CALD1: variants seen among roughly 807,000 people sequenced by gnomAD.
The protein encoded by CALD1 is caldesmon.
Under a neutral mutation model 99.9 loss-of-function variants are expected in CALD1, and 33 were observed. The ratio of observed to expected loss-of-function variants is 0.33; its 90% CI spans 0.25 to 0.44. The LOEUF (loss-of-function observed/expected upper bound fraction) is 0.44. Ranked by LOEUF, CALD1 falls within the 20% of genes least tolerant of loss-of-function variation. CALD1 has a pLI of 1.00. For missense variants in CALD1, 861 were observed against 962.1 expected, an observed-to-expected ratio of 0.89 and a Z score of 1.39; for synonymous variants, 310 against 325.0, an observed-to-expected ratio of 0.95 and a Z score of 0.50.
chr7:134,744,771 T>TAA (rs1796620808), intron 1 of CALD1, among the ~76,000 whole-genome samples: 1 of 152,130 alleles, frequency 6.6e-6, no homozygotes, highest in East Asian at 1.9e-4. Flanking sequence ...TTTCTGCTCT[T>TAA]CCTTGAAGAG....
intron 6 of CALD1, among the ~76,000 whole-genome samples, chr7:134,938,092 A>T (rs1806136216): frequency 1.3e-5 from 2 of 152,146 alleles, no homozygotes; most frequent in South Asian, 4.1e-4. Flanking sequence ...GCAGAATCTG[A>T]TTCCATGAGG....
At chr7:134,916,103 T>C (rs1804185356) in intron 3 of CALD1, among the ~76,000 whole-genome samples, 1 of 152,238 alleles carries the variant, frequency 6.6e-6, no homozygotes. Flanking sequence ...GTCTTTTTAC[T>C]TTCTGCCACT....
At chr7:134,819,998 AT>A (rs1318676439) in intron 1 of CALD1, among the ~76,000 whole-genome samples, 1 of 152,246 alleles carries the variant, frequency 6.6e-6, no homozygotes, top group African/African-American at 2.4e-5. Context: ...GGAAACTGAA[AT>A]AATGGATCTA....
chr7:134,884,019 T>A (rs767232149), intron 3 of CALD1, among the ~76,000 whole-genome samples: 1 of 152,070 alleles, frequency 6.6e-6, no homozygotes, highest in Non-Finnish European at 1.5e-5. Flanking sequence ...GGAGAATTGC[T>A]TGAACCTAGG....
intron 1 of CALD1, chr7:134,745,357 G>A (rs1993204): frequency 6.6e-6 from 1 of 151,764 alleles, no homozygotes; most frequent in Non-Finnish European, 1.5e-5. Flanking sequence ...TTGGAACAGA[G>A]GAAACTTTGC....
intron 3 of CALD1, among the ~76,000 whole-genome samples, chr7:134,868,675 T>C (rs1159739198): frequency 2.6e-5 from 4 of 152,236 alleles, no homozygotes; most frequent in Non-Finnish European, 5.9e-5. Context: ...GTTCTTATGT[T>C]CTACTTATTT....
chr7:134,954,337 C>A (rs1310218383), intron 9 of CALD1, among the ~76,000 whole-genome samples: 2 of 152,078 alleles, frequency 1.3e-5, no homozygotes, highest in Non-Finnish European at 2.9e-5. Context: ...ACGAGAGCAC[C>A]AATTTTCTAA....
At position 134,901,371 on chromosome 7, in the gene CALD1, T is replaced by C. The variant is rs149619271; in HGVS notation, c.72-27383T>C. On this transcript the variant is annotated intron_variant, in intron 3 of 14. Coordinates refer to ENST00000361675, the MANE Select transcript of CALD1 (RefSeq NM_033138.4). ...GCTGATTGATCTACAAAAAGAGGAATATACATGTAAAGTGGCTAGCACAGT... is the reference window on the plus strand; with the variant it reads ...GCTGATTGATCTACAAAAAGAGGAACATACATGTAAAGTGGCTAGCACAGT... 1.2e-3 allele frequency among the ~76,000 whole-genome samples: 190 copies of C among 152,156 alleles called. 1 individual carries two copies. The highest frequency in any genetic ancestry group is 4.4e-3 in the African/African-American group (182 of 41,450).
intron 1 of CALD1, among the ~76,000 whole-genome samples, chr7:134,801,631 C>T (rs1027658308): frequency 2.0e-5 from 3 of 151,706 alleles, no homozygotes; most frequent in Non-Finnish European, 4.4e-5. Context: ...CTCTCTCTCT[C>T]TTTTTTGAAA....
At chr7:134,851,634 G>A (rs1800086720) in intron 2 of CALD1, among the ~76,000 whole-genome samples, 1 of 152,170 alleles carries the variant, frequency 6.6e-6, no homozygotes, top group Admixed American at 6.5e-5. Context: ...GGATAGGCAA[G>A]GGTTTCTAGT....
chr7:134,869,897 C>G (rs1402368191), intron 3 of CALD1, among the ~76,000 whole-genome samples: 1 of 152,080 alleles, frequency 6.6e-6, no homozygotes, highest in African/African-American at 2.4e-5. Flanking sequence ...GACAACGTAC[C>G]AGGGAGATGG....
At chr7:134,792,753 C>A (rs1369728394) in intron 1 of CALD1, among the ~76,000 whole-genome samples, 5 of 152,164 alleles carry the variant, frequency 3.3e-5, no homozygotes, top group Non-Finnish European at 4.4e-5. Context: ...GGGGGAGATA[C>A]AATTCAACCC....
At chr7:134,764,085 G>T (rs1390589558) in intron 1 of CALD1, among the ~76,000 whole-genome samples, 1 of 152,120 alleles carries the variant, frequency 6.6e-6, no homozygotes, top group Admixed American at 6.5e-5. Context: ...CCATACAAGG[G>T]TAGTTCTGTG....
At chr7:134,773,223 C>A (rs1796890021) in intron 1 of CALD1, among the ~76,000 whole-genome samples, 1 of 147,522 alleles carries the variant, frequency 6.8e-6, no homozygotes, top group Admixed American at 6.8e-5. Flanking sequence ...TATCTTTTAT[C>A]TTTTCTATTC....
intron 1 of CALD1, among the ~76,000 whole-genome samples, chr7:134,815,715 GA>G (rs1290601781): frequency 1.3e-5 from 2 of 152,080 alleles, no homozygotes; most frequent in Non-Finnish European, 2.9e-5. Flanking sequence ...TTACTAAACT[GA>G]AAAATTCAAT....
chr7:134,740,466 A>G (rs1243634046), upstream of CALD1, among the ~76,000 whole-genome samples: 3 of 152,202 alleles, frequency 2.0e-5, no homozygotes, highest in African/African-American at 7.2e-5. Context: ...AGAACATGCA[A>G]CTTGGCAGCA....
Position 134,805,410 on chromosome 7 carries a change from T to TTTG in CALD1, c.-130+25677_-130+25679dup, listed in dbSNP as rs546251503. 4.6e-5 allele frequency among the ~76,000 whole-genome samples: 7 copies of TTTG among 152,312 alleles called. No individual in the cohort carries two copies. The East Asian group carries it at 7.7e-4, about 17-fold the overall frequency. On this transcript the variant is annotated intron_variant, in intron 1 of 14. Transcript: ENST00000361675. ...TAGTATTTTTAATTTCTAAGGGTTC[T>TTTG]TTGTTGTTGTTGTTGTTGAACATTT...
chr7:134,817,499 GTCTTTT>G (rs1798607050), intron 1 of CALD1, among the ~76,000 whole-genome samples: 1 of 152,066 alleles, frequency 6.6e-6, no homozygotes, highest in African/African-American at 2.4e-5. Context: ...AGGTAAGAAG[GTCTTTT>G]TAAAACAAGA....
At chr7:134,920,378 T>G (rs1804523704) in intron 3 of CALD1, 1 of 369,096 alleles carries the variant, frequency 2.7e-6, no homozygotes, top group South Asian at 1.1e-4. Flanking sequence ...GTTTTTAACT[T>G]TTTAAGTTGG....
Sources: gnomAD v4.1 joint callset for allele counts (sites outside exome capture counted in the v4.1 genomes callset) on GRCh38, gnomAD v4.1.1 for gene constraint, MANE v1.5 for transcripts, NCBI Gene and HGNC (gene_info 2026-07-23, HGNC 2026-07-21) for gene names.